The following TUSC3 variants were observed in gnomAD, a reference collection of about 807,000 sequenced individuals.
The protein encoded by TUSC3 is tumor suppressor candidate 3, also known as dolichyl-diphosphooligosaccharide--protein glycosyltransferase subunit TUSC3.
TUSC3 carries 45 observed loss-of-function variants against 44.8 expected under a neutral mutation model. The ratio of observed to expected loss-of-function variants is 1.00; its 90% CI spans 0.79 to 1.29. The LOEUF (loss-of-function observed/expected upper bound fraction) is 1.29, where lower values mean the gene tolerates loss of function less well. Among genes scored for constraint, TUSC3 ranks in the 50% most tolerant of loss-of-function variants. TUSC3 has a pLI of 0.00. For missense variants in TUSC3, 519 were observed against 437.9 expected (o/e 1.19, Z -1.65); for synonymous variants, 212 against 152.9 (o/e 1.39, Z -2.85).
chr8:15,756,553 G>A (rs1481435429), intron 9 of TUSC3, among the ~76,000 whole-genome samples: 1 of 151,704 alleles, frequency 6.6e-6, no homozygotes, highest in Non-Finnish European at 1.5e-5. Context: ...TAGATTATAA[G>A]GTATTTGTGT....
chr8:15,598,447 G>A (rs1477607300), intron 1 of TUSC3, among the ~76,000 whole-genome samples: 2 of 151,788 alleles, frequency 1.3e-5, no homozygotes, highest in Non-Finnish European at 2.9e-5. Context: ...TAAAATTCAT[G>A]AACCTACATA....
chr8:15,538,637 T>C (rs543217623), upstream of TUSC3, among the ~76,000 whole-genome samples: 83 of 152,282 alleles, frequency 5.5e-4, no homozygotes, highest in African/African-American at 1.9e-3. Flanking sequence ...TCTGTGAACT[T>C]TGTATTGAAA....
At chr8:15,457,463 G>A (rs1800272374) in intron 1 of TUSC3, among the ~76,000 whole-genome samples, 1 of 151,578 alleles carries the variant, frequency 6.6e-6, no homozygotes, top group Admixed American at 6.6e-5. Context: ...CTTTCATAGT[G>A]AAAAGTTAAA....
intron 2 of TUSC3, among the ~76,000 whole-genome samples, chr8:15,486,078 C>T (rs577637324): frequency 1.3e-5 from 2 of 152,284 alleles, no homozygotes; most frequent in East Asian, 1.9e-4. Flanking sequence ...CAGACATGAG[C>T]CACCTTGCCC....
At chr8:15,455,461 ACCTATGTATACAT>A (rs1800243089) in intron 1 of TUSC3, among the ~76,000 whole-genome samples, 1 of 108,568 alleles carries the variant, frequency 9.2e-6, no homozygotes, top group African/African-American at 2.7e-5. Flanking sequence ...ATGTATACAC[ACCTATGTATACAT>A]GTATATATGT....
intron 1 of TUSC3, among the ~76,000 whole-genome samples, chr8:15,586,572 A>G (rs370340884): frequency 3.3e-4 from 50 of 152,290 alleles, no homozygotes; most frequent in African/African-American, 1.1e-3. Context: ...ACACACTTCT[A>G]TCTAGATCAG....
intron 5 of TUSC3, among the ~76,000 whole-genome samples, chr8:15,673,150 T>C (rs1808023625): frequency 6.6e-6 from 1 of 152,160 alleles, no homozygotes; most frequent in South Asian, 2.1e-4. Flanking sequence ...GTTTTCCAAC[T>C]ACAGCTTTGT....
intron 2 of TUSC3, among the ~76,000 whole-genome samples, chr8:15,490,664 T>C (rs1800796367): frequency 6.6e-6 from 1 of 152,226 alleles, no homozygotes; most frequent in South Asian, 2.1e-4. Context: ...AAAGAGATGC[T>C]GATTTATGTG....
chr8:15,447,632 C>T (rs1309973573), intron 1 of TUSC3, among the ~76,000 whole-genome samples: 1 of 150,858 alleles, frequency 6.6e-6, no homozygotes, highest in Non-Finnish European at 1.5e-5. Flanking sequence ...TTTCTTGATA[C>T]TAACATGTTT....
rs925127998 is a variant in TUSC3, at chr8:15,766,423, C to T, written c.*2267C>T. ...TGATTTGTACCTGGTATGTTATATC[C>T]TCCAGTGTCACTTTTTAACCAGATT... On this transcript the variant is annotated 3_prime_UTR_variant, in exon 11 of 11. Transcript: ENST00000503731. 7 of 152,056 alleles carry T rather than the reference C, an allele frequency of 4.6e-5. No individual in the cohort carries two copies. Among genetic ancestry groups the T allele is most frequent in the African/African-American group, 1.7e-4 (7 of 41,404 alleles). 9.4% of individuals were successfully genotyped at this position (152,056 alleles called of 1,614,324 possible).
chr8:15,519,921 T>G (rs1411441537), intron 2 of TUSC3, among the ~76,000 whole-genome samples: 1 of 152,220 alleles, frequency 6.6e-6, no homozygotes, highest in African/African-American at 2.4e-5. Context: ...ACTATAACTC[T>G]CAATATACCT....
At chr8:15,492,696 G>C (rs910656992) in intron 2 of TUSC3, among the ~76,000 whole-genome samples, 3 of 152,006 alleles carry the variant, frequency 2.0e-5, no homozygotes, top group Non-Finnish European at 4.4e-5. Flanking sequence ...CAGCTCTTAG[G>C]GAGGCAGAGG....
At chr8:15,635,442 C>T (rs1461295204) in intron 2 of TUSC3, among the ~76,000 whole-genome samples, 4 of 152,248 alleles carry the variant, frequency 2.6e-5, no homozygotes, top group East Asian at 1.9e-4. Flanking sequence ...AATGCCTTAC[C>T]TATTGGCTTA....
chr8:15,571,000 A>T (rs575440484), intron 1 of TUSC3, among the ~76,000 whole-genome samples: 12 of 58,420 alleles, frequency 2.1e-4, no homozygotes, highest in South Asian at 9.8e-4. Flanking sequence ...TGTGTCACCC[A>T]GGCTGAAGTG....
At chr8:15,715,257 A>G (rs945857035) in intron 6 of TUSC3, among the ~76,000 whole-genome samples, 2 of 152,188 alleles carry the variant, frequency 1.3e-5, no homozygotes, top group African/African-American at 4.8e-5. Context: ...TAAATTAGGC[A>G]CAGTAAGAGA....
intron 2 of TUSC3, among the ~76,000 whole-genome samples, chr8:15,528,908 T>C (rs1563275073): frequency 1.3e-5 from 2 of 152,200 alleles, no homozygotes. Flanking sequence ...GAGCATCTGA[T>C]ATATCAGAAT....
chr8:15,745,235 T>G (rs558263227), intron 8 of TUSC3, among the ~76,000 whole-genome samples: 1 of 152,062 alleles, frequency 6.6e-6, no homozygotes, highest in Non-Finnish European at 1.5e-5. Context: ...TTGATTTCAT[T>G]TTTTTGCTGA....
chr8:15,458,321 C>G (rs926196750), intron 1 of TUSC3, among the ~76,000 whole-genome samples: 1 of 152,126 alleles, frequency 6.6e-6, no homozygotes, highest in Non-Finnish European at 1.5e-5. Flanking sequence ...TCACTGCACC[C>G]TCGACCTCTC....
At chr8:15,543,466 T>G (rs1009862616) in intron 1 of TUSC3, among the ~76,000 whole-genome samples, 14 of 152,222 alleles carry the variant, frequency 9.2e-5, no homozygotes, top group Admixed American at 7.9e-4. Flanking sequence ...GCCTCTAATT[T>G]TATGACATCA....
Sources: gnomAD v4.1 joint callset for allele counts (sites outside exome capture counted in the v4.1 genomes callset) on GRCh38, gnomAD v4.1.1 for gene constraint, MANE v1.5 for transcripts, NCBI Gene and HGNC (gene_info 2026-07-23, HGNC 2026-07-21) for gene names.